The following OSBP2 variants were observed in gnomAD, a reference collection of about 807,000 sequenced individuals.
OSBP2 encodes oxysterol binding protein 2.
In OSBP2, 66 loss-of-function variants were observed where a neutral mutation model predicts 96.0. The observed-to-expected ratio is 0.69, with a 90% CI of 0.56 to 0.84. The LOEUF (loss-of-function observed/expected upper bound fraction) is 0.84. Ranked by LOEUF, OSBP2 falls within the 40% of genes least tolerant of loss-of-function variation. OSBP2 has a pLI of 0.00. For missense variants in OSBP2, 1,038 were observed against 1,222.7 expected (o/e 0.85, Z 2.25); for synonymous variants, 525 against 520.9 (o/e 1.01, Z -0.11).
At chr22:30,770,963 C>T (rs901912221) in intron 2 of OSBP2, among the ~76,000 whole-genome samples, 7 of 152,228 alleles carry the variant, frequency 4.6e-5, no homozygotes, top group African/African-American at 1.7e-4. Flanking sequence ...CGGCTCATTG[C>T]AACTTGCCGC....
At chr22:30,887,132 G>A (rs923129533) in intron 3 of OSBP2, among the ~76,000 whole-genome samples, 10 of 152,158 alleles carry the variant, frequency 6.6e-5, no homozygotes, top group African/African-American at 1.9e-4. Context: ...GGCGCTGGTG[G>A]GAGTGTAGCA....
chr22:30,722,563 T>C (rs141894150), intron 1 of OSBP2, among the ~76,000 whole-genome samples: 34 of 152,270 alleles, frequency 2.2e-4, no homozygotes, highest in Middle Eastern at 3.4e-3. Context: ...TCCCCACTGA[T>C]TTATAATTTT....
At chr22:30,900,949 A>AC (rs1775091613) in intron 12 of OSBP2, among the ~76,000 whole-genome samples, 1 of 152,256 alleles carries the variant, frequency 6.6e-6, no homozygotes, top group Non-Finnish European at 1.5e-5. Flanking sequence ...AAGTGAAAAG[A>AC]CGATGCATAA....
intron 2 of OSBP2, among the ~76,000 whole-genome samples, chr22:30,829,855 T>C (rs1408646814): frequency 4.6e-5 from 7 of 152,196 alleles, no homozygotes; most frequent in Admixed American, 3.3e-4. Context: ...GGTAGCACAA[T>C]GACCTCTGTT....
intron 2 of OSBP2, among the ~76,000 whole-genome samples, chr22:30,765,992 TG>T (rs1338004210): frequency 6.6e-6 from 1 of 152,180 alleles, no homozygotes; most frequent in Non-Finnish European, 1.5e-5. Flanking sequence ...CCCAGCATTT[TG>T]GGAGGCTGTA....
Position 30,741,779 on chromosome 22 carries a change from G to A in OSBP2, c.853+410G>A, listed in dbSNP as rs533337581. ...CTGTCTTTGCCTATTAGGGAAGCCCGCTCAGATGTCCTGAGCAAGACATTT... is the reference window on the plus strand; with the variant it reads ...CTGTCTTTGCCTATTAGGGAAGCCCACTCAGATGTCCTGAGCAAGACATTT... On this transcript the variant is annotated intron_variant, in intron 2 of 13. Coordinates refer to ENST00000332585, the MANE Select transcript of OSBP2 (RefSeq NM_030758.4). 5.3e-5 allele frequency among the ~76,000 whole-genome samples: 8 copies of A among 152,192 alleles called. No individual in the cohort carries two copies. The South Asian group carries it at 1.0e-3, about 20-fold the overall frequency.
chr22:30,878,449 G>A (rs1218677230), intron 3 of OSBP2, among the ~76,000 whole-genome samples: 1 of 152,204 alleles, frequency 6.6e-6, no homozygotes, highest in Non-Finnish European at 1.5e-5. Context: ...CATGGGGAAG[G>A]ACCCCATGCT....
Position 30,906,424 on chromosome 22 carries a change from T to G in OSBP2, c.*85T>G. 1 of 1,419,762 alleles carries G rather than the reference T, an allele frequency of 7.0e-7. No homozygotes were observed. The highest frequency in any genetic ancestry group is 9.4e-7 in the Non-Finnish European group (1 of 1,065,268). The allele number at this position is 1,419,762 out of a possible 1,614,324, so 87.9% of individuals were successfully genotyped here. On this transcript the variant is annotated 3_prime_UTR_variant, in exon 14 of 14. Coordinates refer to ENST00000332585, the MANE Select transcript of OSBP2 (RefSeq NM_030758.4). ...CACTCAATTTAGTACTGAATGGTCT[T>G]TCTCCCAGCCCATTCCCAGCCCTTC...
chr22:30,871,433 C>T lies in OSBP2; in HGVS notation c.1107+751C>T, dbSNP rs1341585086. ...CTCCACCCTCCAGACACAGGTCTGACTGCAACAGCCTCCTCCCAGGACAGT... is the reference window on the plus strand; with the variant it reads ...CTCCACCCTCCAGACACAGGTCTGATTGCAACAGCCTCCTCCCAGGACAGT... On this transcript the variant is annotated intron_variant, in intron 3 of 13. Transcript: ENST00000332585. The surrounding 1 kb of genome is among the most constrained non-coding windows in gnomAD (Gnocchi z 4.7). Among the ~76,000 whole-genome samples the T allele has an allele frequency of 2.6e-5, 4 of 152,174 alleles. No homozygotes were observed. Among genetic ancestry groups the T allele is most frequent in the Non-Finnish European group, 5.9e-5 (4 of 68,028 alleles).
rs2147159203 is a variant in OSBP2, at chr22:30,890,917, G to A, written c.1813G>A (p.Glu605Lys). The A allele has an allele frequency of 6.2e-7, 1 of 1,612,716 alleles. No individual in the cohort carries two copies. Among genetic ancestry groups the A allele is most frequent in the Non-Finnish European group, 8.5e-7 (1 of 1,180,028 alleles). ...IAKPFNPMLG[E>K]TFELDRLDDM... The stretch of plus-strand genomic sequence containing the variant: ...CAAGCCCTTCAACCCCATGCTGGGG[G>A]AGACCTTCGAGCTGGACCGCCTCGA... Residue 605 changes from glutamate (E) to lysine (K), a missense_variant, in exon 8 of 14, where the codon GAG (glutamate) becomes AAG (lysine). By Grantham distance (56) the Glu-to-Lys change is moderately conservative (BLOSUM62 1). This residue lies in a region of OSBP2 where 737 missense variants were observed against 913.3 expected (regional missense o/e 0.81). Transcript: ENST00000332585. The surrounding 1 kb of genome is among the most constrained non-coding windows in gnomAD (Gnocchi z 4.4).
Position 30,893,108 on chromosome 22 carries a change from G to T in OSBP2, c.1870-14G>T. The T allele has an allele frequency of 6.2e-7, 1 of 1,613,390 alleles. No individual in the cohort carries two copies. The highest frequency in any genetic ancestry group is 1.1e-5 in the South Asian group (1 of 91,074). Reference sequence around the variant, plus strand: ...TGTCTGGCAGATGCTCACATCCTATGGGTCTGGTCTCAGGTGAGCCACCAC... The same window carrying T: ...TGTCTGGCAGATGCTCACATCCTATTGGTCTGGTCTCAGGTGAGCCACCAC... On this transcript the variant is annotated splice_polypyrimidine_tract_variant and intron_variant, in intron 8 of 13. Transcript: ENST00000332585.
intron 12 of OSBP2, chr22:30,902,126 G>GAAAAAAAAAAAAAAACAAAA (rs35391426): frequency 8.6e-6 from 1 of 115,898 alleles, no homozygotes; most frequent in African/African-American, 7.2e-5. Context: ...AAAAAAAAAC[G>GAAAAAAAAAAAAAAACAAAA]AAAAAAAAAA....
At chr22:30,887,852 T>C (rs2039849608) in intron 4 of OSBP2, among the ~76,000 whole-genome samples, 1 of 152,210 alleles carries the variant, frequency 6.6e-6, no homozygotes, top group Non-Finnish European at 1.5e-5. Context: ...TGAGCCCAGC[T>C]GTCCCCTGTG....
At chr22:30,885,823 G>T (rs964429934) in intron 3 of OSBP2, among the ~76,000 whole-genome samples, 3 of 152,238 alleles carry the variant, frequency 2.0e-5, no homozygotes, top group Non-Finnish European at 4.4e-5. Context: ...GGGAGGCAGC[G>T]TGCAGACCCG....
In OSBP2 at chr22:30,773,938, G is replaced by T. The variant is rs868746154; in HGVS notation, c.853+32569G>T. On this transcript the variant is annotated intron_variant, in intron 2 of 13. Coordinates refer to ENST00000332585, the MANE Select transcript of OSBP2 (RefSeq NM_030758.4). ...CAGTCACCATATTAGCCCTCCAGCT[G>T]CTGCCATTTGTGTGAAGCGCAGTGG... Among the ~76,000 whole-genome samples the T allele has an allele frequency of 3.9e-5, 6 of 152,334 alleles. 1 individual carries two copies. The highest frequency in any genetic ancestry group is 6.8e-3 in the Middle Eastern group (2 of 294).
chr22:30,787,439 G>A (rs2090608112), intron 2 of OSBP2, among the ~76,000 whole-genome samples: 2 of 152,182 alleles, frequency 1.3e-5, no homozygotes, highest in South Asian at 2.1e-4. Context: ...TTGGGAGGCC[G>A]AGGCAGGTGG....
chr22:30,869,209 G>T (rs911138662), intron 2 of OSBP2, among the ~76,000 whole-genome samples: 2 of 152,212 alleles, frequency 1.3e-5, no homozygotes, highest in Admixed American at 1.3e-4. Flanking sequence ...GAGGTAAGAG[G>T]GGGCGTGGGA....
chr22:30,853,012 A>C (rs1281922563), intron 2 of OSBP2, among the ~76,000 whole-genome samples: 2 of 151,886 alleles, frequency 1.3e-5, no homozygotes, highest in African/African-American at 4.8e-5. Context: ...AAAATTTGAG[A>C]GTTGGTTTAT....
chr22:30,695,131 G>T lies in OSBP2; in HGVS notation c.222G>T (p.Ser74=). 1 of 1,600,284 alleles carries T rather than the reference G, an allele frequency of 6.2e-7. No homozygotes were observed. Among genetic ancestry groups the T allele is most frequent in the South Asian group, 1.1e-5 (1 of 89,138 alleles). Reference sequence around the variant, plus strand: ...CAGAACAGGTGTCGGAGGCAGTTTCGGAGGCAGTGCCAAGATCGGAACCTG... The same window carrying T: ...CAGAACAGGTGTCGGAGGCAGTTTCTGAGGCAGTGCCAAGATCGGAACCTG... ...PLSEQVSEAV[S]EAVPRSEPVS... Residue 74 remains serine (S), a synonymous_variant, in exon 1 of 14, where the codon TCG becomes TCT. Transcript: ENST00000332585.
Sources: gnomAD v4.1 joint callset for allele counts (sites outside exome capture counted in the v4.1 genomes callset) on GRCh38, gnomAD v4.1.1 for gene constraint, gnomAD v4.1.1 regional missense constraint, Gnocchi (gnomAD v3.1) non-coding constraint, MANE v1.5 for transcripts, NCBI Gene and HGNC (gene_info 2026-07-23, HGNC 2026-07-21) for gene names.